Variants in GRHL2 observed in about 807,000 individuals in gnomAD.
GRHL2 encodes the protein grainyhead-like protein 2 homolog.
Under a neutral mutation model 83.8 loss-of-function variants are expected in GRHL2, and 21 were observed. That is an observed-to-expected ratio of 0.25 (90% CI 0.18 to 0.36). The LOEUF is 0.36. Ranked by LOEUF, GRHL2 falls within the 10% of genes least tolerant of loss-of-function variation. The probability of loss-of-function intolerance (pLI) is 1.00; values close to 1 mark genes in which losing one functional copy is unlikely to be tolerated. For missense variants in GRHL2, 623 were observed against 781.8 expected (o/e 0.80, Z 2.42); for synonymous variants, 280 against 278.9 (o/e 1.00, Z -0.04).
chr8:101,567,738 GTCTT>G (rs1811744413), intron 4 of GRHL2, among the ~76,000 whole-genome samples: 1 of 152,160 alleles, frequency 6.6e-6, no homozygotes, highest in African/African-American at 2.4e-5. Context: ...ATGTAGTTGA[GTCTT>G]TCTGAGTCTG....
At chr8:101,628,241 C>G (rs1347030560) in intron 9 of GRHL2, among the ~76,000 whole-genome samples, 4 of 152,022 alleles carry the variant, frequency 2.6e-5, no homozygotes, top group African/African-American at 9.7e-5. Context: ...AATGCAGCTG[C>G]TCTCTTAAAG....
In GRHL2 at chr8:101,623,082, C is replaced by T. The variant is rs115578354; in HGVS notation, c.1257+3385C>T. Among the ~76,000 whole-genome samples, 640 of 152,232 alleles carry T rather than the reference C, an allele frequency of 4.2e-3. 5 individuals carry two copies. The highest frequency in any genetic ancestry group is 0.014 in the African/African-American group (594 of 41,526). On this transcript the variant is annotated intron_variant, in intron 9 of 15. Coordinates refer to ENST00000646743, the MANE Select transcript of GRHL2 (RefSeq NM_024915.4). Reference sequence around the variant, plus strand: ...AAGGTGTATGTACTGTTAACATGTCCGAGAGTTCTGGTTTAGCAGTGGCAG... The same window carrying T: ...AAGGTGTATGTACTGTTAACATGTCTGAGAGTTCTGGTTTAGCAGTGGCAG...
At chr8:101,640,313 T>A (rs1484579761) in intron 12 of GRHL2, among the ~76,000 whole-genome samples, 3 of 152,198 alleles carry the variant, frequency 2.0e-5, no homozygotes, top group Non-Finnish European at 4.4e-5. Flanking sequence ...GAATTTGATT[T>A]TTTTTTAAAT....
At chr8:101,524,021 G>A (rs927767286) in intron 1 of GRHL2, among the ~76,000 whole-genome samples, 9 of 152,120 alleles carry the variant, frequency 5.9e-5, no homozygotes, top group African/African-American at 2.2e-4. Flanking sequence ...TCTTCAAGAT[G>A]TGCCTCTCTC....
chr8:101,681,154 G>T, the GRHL2 span, among the ~76,000 whole-genome samples: 1 of 149,832 alleles, frequency 6.7e-6, no homozygotes, highest in Admixed American at 6.7e-5. Flanking sequence ...TTTTTATAAG[G>T]ATCAACAAAA....
At chr8:101,589,207 A>C (rs1052059522) in intron 7 of GRHL2, among the ~76,000 whole-genome samples, 9 of 152,234 alleles carry the variant, frequency 5.9e-5, no homozygotes, top group Admixed American at 4.6e-4. Context: ...TTGCATTTTC[A>C]TTCATTCAGA....
intron 4 of GRHL2, among the ~76,000 whole-genome samples, chr8:101,563,190 A>G (rs1195885882): frequency 6.6e-6 from 1 of 152,116 alleles, no homozygotes; most frequent in African/African-American, 2.4e-5. Context: ...AGTGGGAGGG[A>G]TAGGACTCAA....
chr8:101,515,556 T>C (rs539068672), intron 1 of GRHL2, among the ~76,000 whole-genome samples: 19 of 152,330 alleles, frequency 1.2e-4, no homozygotes, highest in Admixed American at 7.8e-4. Context: ...GGGCACTGCA[T>C]TTTCATGTTT....
At chr8:101,601,449 T>G (rs1288626842) in intron 8 of GRHL2, among the ~76,000 whole-genome samples, 1 of 152,146 alleles carries the variant, frequency 6.6e-6, no homozygotes, top group Admixed American at 6.5e-5. Flanking sequence ...TGGAGTTGAG[T>G]TGATCTTCCA....
At chr8:101,578,262 G>A (rs1168348934) in intron 7 of GRHL2, among the ~76,000 whole-genome samples, 3 of 152,208 alleles carry the variant, frequency 2.0e-5, no homozygotes, top group Non-Finnish European at 4.4e-5. Context: ...GGGTGTTGGA[G>A]GAGCCACCCA....
At chr8:101,572,557 C>G (rs1811847992) in intron 5 of GRHL2, among the ~76,000 whole-genome samples, 1 of 152,024 alleles carries the variant, frequency 6.6e-6, no homozygotes, top group Non-Finnish European at 1.5e-5. Context: ...GCCCAGCCTT[C>G]CAACGACTAT....
chr8:101,614,942 C>G (rs1185606856), intron 8 of GRHL2, among the ~76,000 whole-genome samples: 1 of 152,158 alleles, frequency 6.6e-6, no homozygotes, highest in Non-Finnish European at 1.5e-5. Flanking sequence ...GGAAACAATG[C>G]CAACCCTATT....
At chr8:101,677,892 G>C in the GRHL2 span, among the ~76,000 whole-genome samples, 55 of 152,160 alleles carry the variant, frequency 3.6e-4, no homozygotes, top group Non-Finnish European at 6.9e-4. Flanking sequence ...TAGATCATTG[G>C]TGATACCCTC....
Position 101,668,782 on chromosome 8 carries a change from T to A in GRHL2, c.*2079T>A, listed in dbSNP as rs1193756894. On this transcript the variant is annotated 3_prime_UTR_variant, in exon 16 of 16. Coordinates refer to ENST00000646743, the MANE Select transcript of GRHL2 (RefSeq NM_024915.4). ...GATTGGCAGACATAACAACGGCAAA[T>A]ACTCGGACTGGGGCATAGGACTCCA... 3.3e-5 allele frequency: 5 copies of A among 152,224 alleles called. No individual in the cohort carries two copies. Among genetic ancestry groups the A allele is most frequent in the Admixed American group, 6.5e-5 (1 of 15,268 alleles). 9.4% of individuals were successfully genotyped at this position (152,224 alleles called of 1,614,324 possible).
Position 101,667,929 on chromosome 8 carries a change from C to G in GRHL2, c.*1226C>G, listed in dbSNP as rs1416854823. 1 of 152,814 alleles carries G rather than the reference C, an allele frequency of 6.5e-6. No individual in the cohort carries two copies. The highest frequency in any genetic ancestry group is 1.5e-5 in the Non-Finnish European group (1 of 68,194). 9.5% of individuals were successfully genotyped at this position (152,814 alleles called of 1,614,324 possible). ...TGCCATGTGAGAGCTGTGAACAGCT[C>G]AGCTCTGAGTCGGCAGGCTGGGGCT... On this transcript the variant is annotated 3_prime_UTR_variant, in exon 16 of 16. Coordinates refer to ENST00000646743, the MANE Select transcript of GRHL2 (RefSeq NM_024915.4).
intron 14 of GRHL2, among the ~76,000 whole-genome samples, chr8:101,658,678 C>T (rs1813850716): frequency 6.6e-6 from 1 of 152,150 alleles, no homozygotes; most frequent in Admixed American, 6.5e-5. Context: ...AAAGAGAAAA[C>T]CCAAGCATCA....
the GRHL2 span, among the ~76,000 whole-genome samples, chr8:101,677,527 GA>G: frequency 0.99 from 150,385 of 151,354 alleles, 74,758 homozygotes; most frequent in Middle Eastern, 1. Context: ...ACTGGTATTG[GA>G]AAAAAAAAAT....
In GRHL2 at chr8:101,606,475, T is replaced by C. The variant is rs1812636936; in HGVS notation, c.1098+7324T>C. Among the ~76,000 whole-genome samples, 3 of 152,188 alleles carry C rather than the reference T, an allele frequency of 2.0e-5. No homozygotes were observed. The South Asian group carries it at 6.2e-4, about 31-fold the overall frequency. On this transcript the variant is annotated intron_variant, in intron 8 of 15. Coordinates refer to ENST00000646743, the MANE Select transcript of GRHL2 (RefSeq NM_024915.4). ...CCAGTCTCAGGGAGGTAAACAGGGA[T>C]GTGCTAAGATGAGTTGGCTGGTGAG...
chr8:101,494,285 A>G (rs545920841), intron 1 of GRHL2, among the ~76,000 whole-genome samples: 313 of 152,332 alleles, frequency 2.1e-3, no homozygotes, highest in African/African-American at 6.9e-3. Context: ...TAGCCTCAAC[A>G]TAAAGCCGCT....
Sources: gnomAD v4.1 joint callset for allele counts (sites outside exome capture counted in the v4.1 genomes callset) on GRCh38, gnomAD v4.1.1 for gene constraint, MANE v1.5 for transcripts, NCBI Gene and HGNC (gene_info 2026-07-23, HGNC 2026-07-21) for gene names.